The following BCCIP variants were observed in gnomAD, a reference collection of about 807,000 sequenced individuals.
The protein encoded by BCCIP is BRCA2 and CDKN1A-interacting protein.
Under a neutral mutation model 32.8 loss-of-function variants are expected in BCCIP, and 23 were observed. That is an observed-to-expected ratio of 0.70 (90% CI 0.51 to 0.99). The LOEUF is 0.99. Ranked by LOEUF, BCCIP falls within the 50% of genes least tolerant of loss-of-function variation. BCCIP has a pLI of 0.00. For synonymous variants in BCCIP, 144 were observed against 137.6 expected (o/e 1.05, Z -0.33); for missense variants, 378 against 379.8 (o/e 1.00, Z 0.04).
At position 125,836,222 on chromosome 10, in the gene BCCIP, G is replaced by A; in HGVS notation, c.893G>A (p.Gly298Asp). ...TPLRTVMLIP[G>D]DKMNEIMDKL... ...TTGCGAACTGTGATGTTAATTCCAG[G>A]CGACAAGATGAACGAAATCATGGAT... The change falls in exon 7 of 7, where the codon GGC (glycine) becomes GAC (aspartate). Residue 298 changes from glycine (G) to aspartate (D), a missense_variant. Transcript: ENST00000278100. 1.2e-6 allele frequency: 2 copies of A among 1,614,162 alleles called. No homozygotes were observed. The highest frequency in any genetic ancestry group is 1.7e-5 in the Admixed American group (1 of 60,030).
chr10:125,847,786 C>T (rs1011041533), downstream of BCCIP, among the ~76,000 whole-genome samples: 1 of 152,128 alleles, frequency 6.6e-6, no homozygotes, highest in African/African-American at 2.4e-5. Context: ...GAGACAGTGA[C>T]AGATCATCAG....
chr10:125,845,298 C>A (rs1157287589), downstream of BCCIP, among the ~76,000 whole-genome samples: 1 of 152,220 alleles, frequency 6.6e-6, no homozygotes. Context: ...CCAGCCAGGT[C>A]TCTTTTGTTA....
At chr10:125,849,510 T>C (rs1466958783) in intron 7 of BCCIP, among the ~76,000 whole-genome samples, 2 of 152,238 alleles carry the variant, frequency 1.3e-5, no homozygotes, top group African/African-American at 4.8e-5. Flanking sequence ...TAGTAACTTT[T>C]GTGTAGCCTT....
chr10:125,841,436 C>T (rs963180267), downstream of BCCIP: 2 of 1,565,234 alleles, frequency 1.3e-6, no homozygotes, highest in African/African-American at 1.4e-5. Flanking sequence ...TGGGGAAAAA[C>T]ACCTCTAGTG....
downstream of BCCIP, chr10:125,836,881 G>C (rs763140267): frequency 5.0e-6 from 8 of 1,606,548 alleles, no homozygotes; most frequent in Non-Finnish European, 5.1e-6. Flanking sequence ...AAAAAGATGA[G>C]ATTATGAGTG....
In BCCIP at chr10:125,831,545, C is replaced by G; in HGVS notation, c.537C>G (p.Leu179=). The change falls in exon 5 of 7, where the codon CTC becomes CTG. Residue 179 remains leucine (L), a synonymous_variant. Coordinates refer to ENST00000278100, the MANE Select transcript of BCCIP (RefSeq NM_078468.3). ...ACACCACCAAGCCTGTGGGCCTTCT[C>G]CTAAGTGAAAGATTCATTAATGTCC... ...LNDTTKPVGL[L]LSERFINVPP... 1 of 1,614,188 alleles carries G rather than the reference C, an allele frequency of 6.2e-7. No homozygotes were observed. Among genetic ancestry groups the G allele is most frequent in the Non-Finnish European group, 8.5e-7 (1 of 1,180,032 alleles).
Position 125,833,875 on chromosome 10 carries a change from A to G in BCCIP, c.703A>G (p.Lys235Glu). The change falls in exon 6 of 7, where the codon AAA becomes GAA. Residue 235 changes from lysine (K) to glutamate (E), a missense_variant. By Grantham distance (56) the Lys-to-Glu change is moderately conservative. Coordinates refer to ENST00000278100, the MANE Select transcript of BCCIP (RefSeq NM_078468.3). Reference sequence around the variant, plus strand: ...TGTGGAAGCAGGAAAAAACAATTCCAAAAAGAAACCTAGCAACAAAAAGAA... The same window carrying G: ...TGTGGAAGCAGGAAAAAACAATTCCGAAAAGAAACCTAGCAACAAAAAGAA... ...TFVEAGKNNS[K>E]KKPSNKKKAA... is the part of the protein sequence containing the mutation. 6.2e-7 allele frequency: 1 copy of G among 1,614,266 alleles called. No individual in the cohort carries two copies. Among genetic ancestry groups the G allele is most frequent in the African/African-American group, 1.3e-5 (1 of 75,068 alleles).
downstream of BCCIP, among the ~76,000 whole-genome samples, chr10:125,843,382 G>A (rs374292657): frequency 1.1e-3 from 167 of 152,192 alleles, no homozygotes; most frequent in African/African-American, 3.9e-3. Context: ...AGGCCGAGGC[G>A]GGAGGATCAC....
chr10:125,845,549 G>A (rs1165595023), downstream of BCCIP, among the ~76,000 whole-genome samples: 1 of 152,184 alleles, frequency 6.6e-6, no homozygotes, highest in Non-Finnish European at 1.5e-5. Flanking sequence ...GGGTCTCCTG[G>A]TAACCAGTCC....
intron 7 of BCCIP, among the ~76,000 whole-genome samples, chr10:125,850,434 C>T (rs1050177677): frequency 7.3e-5 from 11 of 150,728 alleles, no homozygotes; most frequent in African/African-American, 2.4e-4. Context: ...CTTGGTTCAC[C>T]GCAACCTCCA....
downstream of BCCIP, chr10:125,841,217 A>C: frequency 6.3e-7 from 1 of 1,591,838 alleles, no homozygotes. Context: ...TTCTAAGGTC[A>C]ACTGAATATG....
At chr10:125,830,004 C>CA (rs1564818009) in intron 3 of BCCIP, among the ~76,000 whole-genome samples, 1 of 57,988 alleles carries the variant, frequency 1.7e-5, no homozygotes, top group African/African-American at 6.7e-5. Context: ...GAACAAAGGG[C>CA]AGGGGGTTCT....
In BCCIP at chr10:125,831,409, T is replaced by C. The variant is rs1280863199; in HGVS notation, c.412-11T>C. ...TTGTAATAGGAAACAAGCTTTCTCT[T>C]TGCTTTCTAGGGTACCCAGTGTGTT... On this transcript the variant is annotated splice_polypyrimidine_tract_variant and intron_variant, in intron 4 of 6. Coordinates refer to ENST00000278100, the MANE Select transcript of BCCIP (RefSeq NM_078468.3). 1 of 1,608,346 alleles carries C rather than the reference T, an allele frequency of 6.2e-7. No homozygotes were observed. Among genetic ancestry groups the C allele is most frequent in the Non-Finnish European group, 8.5e-7 (1 of 1,176,482 alleles).
intron 6 of BCCIP, among the ~76,000 whole-genome samples, chr10:125,835,078 A>G (rs1291195743): frequency 6.6e-6 from 1 of 151,618 alleles, no homozygotes; most frequent in African/African-American, 2.4e-5. Flanking sequence ...GCTTGCAGTG[A>G]GCCGAGATTG....
At chr10:125,853,186 A>T (rs1465370687) in exon 8 of BCCIP, 1 of 1,613,364 alleles carries the variant, frequency 6.2e-7, no homozygotes, top group Non-Finnish European at 8.5e-7. Context: ...TTCAATCAAG[A>T]TCAACTCTAA....
chr10:125,830,831 C>T (rs1010353227), intron 4 of BCCIP, among the ~76,000 whole-genome samples, 180 bp downstream of exon 4: 1 of 152,280 alleles, frequency 6.6e-6, no homozygotes, highest in East Asian at 1.9e-4. Context: ...GGTCTGTACC[C>T]AGTTAAAGTT....
At chr10:125,830,836 A>G (rs1025876835) in intron 4 of BCCIP, among the ~76,000 whole-genome samples, 185 bp downstream of exon 4, 2 of 152,178 alleles carry the variant, frequency 1.3e-5, no homozygotes. Context: ...GTACCCAGTT[A>G]AAGTTGTTTA....
downstream of BCCIP, among the ~76,000 whole-genome samples, chr10:125,845,236 C>T (rs924537095): frequency 2.8e-4 from 43 of 152,180 alleles, no homozygotes; most frequent in African/African-American, 1.0e-3. Flanking sequence ...CCTCGGTTGG[C>T]TCCCAAACCC....
chr10:125,830,620 T>C lies in BCCIP; in HGVS notation c.380T>C (p.Phe127Ser). The change falls in exon 4 of 7, where the codon TTC becomes TCC. Residue 127 changes from phenylalanine (F) to serine (S), a missense_variant. Transcript: ENST00000278100. ...ATGGATGAAGATGAGGTTTTTGGTT[T>C]CATAAGCCTTTTAAATTTAACTGAA... ...DDMDEDEVFG[F>S]ISLLNLTERK... The C allele has an allele frequency of 6.2e-7, 1 of 1,608,952 alleles. No homozygotes were observed. The highest frequency in any genetic ancestry group is 8.5e-7 in the Non-Finnish European group (1 of 1,176,998).
Sources: gnomAD v4.1 joint callset for allele counts (sites outside exome capture counted in the v4.1 genomes callset) on GRCh38, gnomAD v4.1.1 for gene constraint, MANE v1.5 for transcripts, NCBI Gene and HGNC (gene_info 2026-07-23, HGNC 2026-07-21) for gene names.